GPHN: variants seen among roughly 807,000 people sequenced by gnomAD.
The protein encoded by GPHN is gephyrin.
A neutral mutation model predicts 95.5 loss-of-function variants in GPHN; 17 were observed. The ratio of observed to expected loss-of-function variants is 0.18; its 90% CI spans 0.12 to 0.27. The LOEUF (loss-of-function observed/expected upper bound fraction) is 0.27, where lower values mean the gene tolerates loss of function less well. Ranked by LOEUF, GPHN falls within the 10% of genes least tolerant of loss-of-function variation. GPHN has a pLI of 1.00. For missense variants in GPHN, 660 were observed against 978.1 expected (o/e 0.67, Z 4.34); for synonymous variants, 320 against 322.5 (o/e 0.99, Z 0.08).
At chr14:67,690,366 T>C in the GPHN span, 4 of 1,614,204 alleles carry the variant, frequency 2.5e-6, no homozygotes, top group South Asian at 3.3e-5. Flanking sequence ...TTACTATCCT[T>C]GATGGGGCTG....
chr14:66,897,703 A>G (rs898041002), intron 5 of GPHN, among the ~76,000 whole-genome samples: 6 of 152,260 alleles, frequency 3.9e-5, no homozygotes, highest in Non-Finnish European at 8.8e-5. Flanking sequence ...TCCATACTAT[A>G]TATGCACTAC....
At chr14:67,348,573 G>A in the GPHN span, among the ~76,000 whole-genome samples, 2 of 151,844 alleles carry the variant, frequency 1.3e-5, no homozygotes, top group Non-Finnish European at 2.9e-5. Context: ...CCAGGCTGGA[G>A]TGCAGTGGTG....
intron 1 of GPHN, among the ~76,000 whole-genome samples, chr14:66,578,892 A>G (rs918064223): frequency 6.6e-6 from 1 of 151,858 alleles, no homozygotes; most frequent in Non-Finnish European, 1.5e-5. Flanking sequence ...TAAAAAATTC[A>G]CTGGTGAAAG....
At chr14:67,103,648 A>G (rs1170322993) in intron 13 of GPHN, among the ~76,000 whole-genome samples, 1 of 144,868 alleles carries the variant, frequency 6.9e-6, no homozygotes, top group African/African-American at 2.6e-5. Context: ...TATACATGGG[A>G]TTGCTTTCTC....
chr14:67,152,989 A>G (rs531781030), intron 18 of GPHN, among the ~76,000 whole-genome samples: 1 of 150,190 alleles, frequency 6.7e-6, no homozygotes, highest in South Asian at 2.1e-4. Flanking sequence ...TCACTGTCTT[A>G]GCTTAGGCTG....
Position 66,854,677 on chromosome 14 carries a change from A to G in GPHN, c.295-25262A>G, listed in dbSNP as rs199605519. On this transcript the variant is annotated intron_variant, in intron 4 of 22. Transcript: ENST00000478722. ...TCATTTCCAGAGTCTAAGTAATTTA[A>G]AAGTTTTCCATGCTATATCATCTTT... is the stretch of plus-strand genomic sequence containing the variant. 7.9e-5 allele frequency among the ~76,000 whole-genome samples: 12 copies of G among 152,282 alleles called. No homozygotes were observed. The East Asian group carries it at 2.3e-3, about 29-fold the overall frequency.
At chr14:66,988,754 A>G (rs1167934688) in intron 9 of GPHN, among the ~76,000 whole-genome samples, 1 of 152,036 alleles carries the variant, frequency 6.6e-6, no homozygotes, top group Non-Finnish European at 1.5e-5. Flanking sequence ...GATAGTTCAG[A>G]CTATCAAGAT....
intron 9 of GPHN, chr14:66,996,070 T>C (rs1033133652): frequency 1.4e-6 from 1 of 712,080 alleles, no homozygotes; most frequent in African/African-American, 1.8e-5. Flanking sequence ...GCTGTTTTAT[T>C]ATCTGGCCAA....
chr14:67,406,076 AG>A, the GPHN span, among the ~76,000 whole-genome samples: 2 of 151,964 alleles, frequency 1.3e-5, no homozygotes, highest in African/African-American at 2.4e-5. Context: ...CTGGCCAAAA[AG>A]GTTAAACCCC....
chr14:67,103,166 C>T (rs1036738059), intron 13 of GPHN, among the ~76,000 whole-genome samples: 22 of 152,092 alleles, frequency 1.4e-4, no homozygotes, highest in Admixed American at 1.4e-3. Flanking sequence ...AGTATGGACT[C>T]TGTGTGGGGG....
At chr14:66,580,955 C>T (rs1176251770) in intron 1 of GPHN, among the ~76,000 whole-genome samples, 1 of 151,690 alleles carries the variant, frequency 6.6e-6, no homozygotes, top group African/African-American at 2.4e-5. Flanking sequence ...AAACATCATA[C>T]ACCATGATCA....
the GPHN span, chr14:67,585,564 C>A: frequency 6.4e-7 from 1 of 1,570,750 alleles, no homozygotes; most frequent in Non-Finnish European, 8.7e-7. Flanking sequence ...TTCTGTTTCC[C>A]CAGCCTGCCC....
At chr14:67,652,946 C>T in the GPHN span, among the ~76,000 whole-genome samples, 4 of 152,114 alleles carry the variant, frequency 2.6e-5, no homozygotes, top group South Asian at 6.2e-4. Flanking sequence ...CCCGCCACTA[C>T]GCCTGGCTAA....
intron 1 of GPHN, among the ~76,000 whole-genome samples, chr14:66,680,344 A>G (rs778511173): frequency 1.3e-5 from 2 of 152,184 alleles, no homozygotes; most frequent in Non-Finnish European, 1.5e-5. Flanking sequence ...TTATCCTCAC[A>G]GTGGTAGGCT....
At chr14:67,532,345 T>C in the GPHN span, among the ~76,000 whole-genome samples, 1 of 152,210 alleles carries the variant, frequency 6.6e-6, no homozygotes, top group African/African-American at 2.4e-5. Flanking sequence ...ACAGAGAGCC[T>C]GCAGGGTTGA....
chr14:66,880,002 C>G lies in GPHN; in HGVS notation c.358C>G (p.Leu120Val), dbSNP rs1297798758. The change falls in exon 5 of 23, where the codon CTT becomes GTT. Residue 120 changes from leucine to valine, a missense_variant. This residue lies in a region of GPHN where 71 missense variants were observed against 130.8 expected (regional missense o/e 0.54). Transcript: ENST00000478722. The part of the protein sequence containing the change: ...GMALAMLMGS[L>V]NVTPLGMLSR... ...GGCCCTGGCAATGCTGATGGGATCACTTAATGTTACACCTCTGGGCATGCT... is the reference window on the plus strand; with the variant it reads ...GGCCCTGGCAATGCTGATGGGATCAGTTAATGTTACACCTCTGGGCATGCT... The G allele has an allele frequency of 6.2e-7, 1 of 1,609,512 alleles. No individual in the cohort carries two copies. Among genetic ancestry groups the G allele is most frequent in the Non-Finnish European group, 8.5e-7 (1 of 1,176,252 alleles).
intron 11 of GPHN, 137 bp from the exon 12 acceptor site, chr14:67,088,846 T>C (rs1331924484): frequency 2.9e-6 from 2 of 686,756 alleles, no homozygotes; most frequent in Non-Finnish European, 5.4e-6. Context: ...TCCTGTTTCT[T>C]GGGACAGAAA....
At chr14:67,709,496 C>T in the GPHN span, among the ~76,000 whole-genome samples, 1 of 152,138 alleles carries the variant, frequency 6.6e-6, no homozygotes, top group Non-Finnish European at 1.5e-5. Flanking sequence ...GACACAGGGG[C>T]CCATATGCTG....
At chr14:67,521,255 A>G in the GPHN span, among the ~76,000 whole-genome samples, 3 of 152,238 alleles carry the variant, frequency 2.0e-5, no homozygotes, top group South Asian at 2.1e-4. Flanking sequence ...ACAAAGTCAG[A>G]CTTCTGTATA....
Sources: allele counts gnomAD v4.1 joint callset (sites outside exome capture counted in the v4.1 genomes callset), GRCh38; gene constraint gnomAD v4.1.1; regional missense constraint gnomAD v4.1.1; transcripts MANE v1.5; gene names NCBI Gene and HGNC (gene_info 2026-07-23, HGNC 2026-07-21).